The following CLNK variants were observed in gnomAD, a reference collection of about 807,000 sequenced individuals.
The protein encoded by CLNK is cytokine-dependent hematopoietic cell linker.
Under a neutral mutation model 68.6 loss-of-function variants are expected in CLNK, and 74 were observed. The ratio of observed to expected loss-of-function variants is 1.08; its 90% CI spans 0.89 to 1.31. The LOEUF is 1.31. Ranked by LOEUF, CLNK falls within the 50% of genes most tolerant of loss-of-function variation. The probability of loss-of-function intolerance (pLI) is 0.00; values close to 1 mark genes in which losing one functional copy is unlikely to be tolerated. For synonymous variants in CLNK, 198 were observed against 172.2 expected (o/e 1.15, Z -1.17); for missense variants, 553 against 515.3 (o/e 1.07, Z -0.71).
the CLNK span, among the ~76,000 whole-genome samples, chr4:10,712,873 G>C: frequency 6.6e-6 from 1 of 152,204 alleles, no homozygotes; most frequent in Admixed American, 6.5e-5. Context: ...ACCAAGGAAA[G>C]AGGTGACTAA....
chr4:10,532,383 C>T (rs553955278), intron 11 of CLNK, 100 bp from the exon 12 acceptor site: 4 of 919,516 alleles, frequency 4.4e-6, no homozygotes, highest in Middle Eastern at 2.5e-4. Context: ...ATTTTCATTG[C>T]CAAATTAACA....
chr4:10,532,480 G>A (rs1158712420), intron 11 of CLNK, among the ~76,000 whole-genome samples, 197 bp from the exon 12 acceptor site: 1 of 152,144 alleles, frequency 6.6e-6, no homozygotes, highest in East Asian at 1.9e-4. Context: ...AAAAGACAAA[G>A]TTAAGAGCCA....
chr4:10,583,928 C>A (rs1341022511), intron 4 of CLNK, among the ~76,000 whole-genome samples: 4 of 152,154 alleles, frequency 2.6e-5, no homozygotes, highest in Admixed American at 2.0e-4. Context: ...TCCCAGGTAC[C>A]ACCCCCTTAG....
At chr4:10,732,389 G>A in the CLNK span, among the ~76,000 whole-genome samples, 5 of 152,266 alleles carry the variant, frequency 3.3e-5, no homozygotes, top group Admixed American at 2.0e-4. Flanking sequence ...AGGCTGTTAT[G>A]GATTTTTGAA....
In CLNK at chr4:10,636,652, G is replaced by A. The variant is rs577354318; in HGVS notation, c.11+31207C>T. 2.1e-4 allele frequency among the ~76,000 whole-genome samples: 32 copies of A among 152,270 alleles called. 1 individual carries two copies. Among genetic ancestry groups the A allele is most frequent in the Admixed American group, 1.3e-4 (2 of 15,292 alleles). ...GGTGTAGCAGAAGGAATAGCAGCAC[G>A]CCAAGGCATGGAGACAGCTCTCATA... On this transcript the variant is annotated intron_variant, in intron 2 of 18. Transcript: ENST00000226951.
intron 15 of CLNK, 63 bp from the exon 16 acceptor site, chr4:10,513,660 C>T: frequency 6.7e-7 from 1 of 1,496,568 alleles, no homozygotes; most frequent in Admixed American, 2.4e-5. Flanking sequence ...TCCCCCACCT[C>T]CAGAAAGGAG....
At chr4:10,611,233 G>T (rs181891243) in intron 2 of CLNK, among the ~76,000 whole-genome samples, 1 of 152,104 alleles carries the variant, frequency 6.6e-6, no homozygotes, top group Non-Finnish European at 1.5e-5. Context: ...CAGGAGAATC[G>T]CTTGAACCCA....
intron 2 of CLNK, among the ~76,000 whole-genome samples, chr4:10,658,109 C>T (rs376559344): frequency 5.3e-5 from 8 of 152,268 alleles, no homozygotes; most frequent in Admixed American, 3.3e-4. Flanking sequence ...GCCACCACAC[C>T]CCTTCCCAGG....
chr4:10,518,891 C>A (rs1312455625), intron 15 of CLNK, among the ~76,000 whole-genome samples: 1 of 152,090 alleles, frequency 6.6e-6, no homozygotes, highest in East Asian at 1.9e-4. Context: ...TTGTTTTCTG[C>A]CTACTTAACA....
chr4:10,563,109 C>T (rs1311982215), intron 7 of CLNK, among the ~76,000 whole-genome samples: 1 of 152,096 alleles, frequency 6.6e-6, no homozygotes, highest in Non-Finnish European at 1.5e-5. Flanking sequence ...TGTAAATGGT[C>T]GGTGTTGCTT....
intron 3 of CLNK, among the ~76,000 whole-genome samples, chr4:10,586,225 C>T (rs1356290034): frequency 1.3e-5 from 2 of 152,100 alleles, no homozygotes; most frequent in Non-Finnish European, 2.9e-5. Context: ...CCCTGATCTA[C>T]ATGATATTTT....
In CLNK at chr4:10,618,726, G is replaced by A. The variant is rs566387449; in HGVS notation, c.12-20677C>T. ...AGAAGCAGGCACATCTTCCATGGCA[G>A]AAGCAGGAGCAGGAAAGAAAGGAGG... On this transcript the variant is annotated intron_variant, in intron 2 of 18. Coordinates refer to ENST00000226951, the MANE Select transcript of CLNK (RefSeq NM_052964.4). 2.0e-5 allele frequency among the ~76,000 whole-genome samples: 3 copies of A among 152,306 alleles called. No individual in the cohort carries two copies. The South Asian group carries it at 6.2e-4, about 32-fold the overall frequency.
intron 16 of CLNK, among the ~76,000 whole-genome samples, chr4:10,513,198 T>G (rs1717672857): frequency 2.1e-5 from 1 of 46,516 alleles, no homozygotes; most frequent in South Asian, 1.1e-3. Flanking sequence ...ATATCTGTAT[T>G]TTTTGGATTA....
chr4:10,537,706 C>CTTCCTTTCTTTCTTTCTTTCTTT, intron 11 of CLNK, among the ~76,000 whole-genome samples: 1 of 13,376 alleles, frequency 7.5e-5, no homozygotes, highest in Non-Finnish European at 1.5e-4. Flanking sequence ...TTCCTTCCTT[C>CTTCCTTTCTTTCTTTCTTTCTTT]CTTTCTTTCT....
At chr4:10,697,440 G>T in the CLNK span, 1 of 152,214 alleles carries the variant, frequency 6.6e-6, no homozygotes, top group Non-Finnish European at 1.5e-5. Context: ...AGGGTCTCCA[G>T]GAAATTCCAG....
intron 2 of CLNK, 58 bp downstream of exon 2, chr4:10,667,801 C>G: frequency 6.6e-7 from 1 of 1,512,426 alleles, no homozygotes; most frequent in Non-Finnish European, 8.9e-7. Context: ...CCAGAAAACA[C>G]CTCCTGTCCC....
At chr4:10,498,287 C>T (rs1373665764) in intron 18 of CLNK, among the ~76,000 whole-genome samples, 3 of 151,942 alleles carry the variant, frequency 2.0e-5, no homozygotes, top group Non-Finnish European at 2.9e-5. Context: ...GTCAGGAGAT[C>T]GAGACCATCC....
intron 17 of CLNK, among the ~76,000 whole-genome samples, chr4:10,504,116 CTT>C (rs10660433): frequency 5.5e-4 from 37 of 67,320 alleles, no homozygotes; most frequent in Admixed American, 2.1e-3. Flanking sequence ...TCTTTGGGTT[CTT>C]TTTTTTTTTT....
intron 2 of CLNK, among the ~76,000 whole-genome samples, chr4:10,653,955 A>G (rs1052634389): frequency 6.6e-6 from 1 of 152,220 alleles, no homozygotes; most frequent in Admixed American, 6.5e-5. Flanking sequence ...ATAACCATCA[A>G]TGATATTGAA....
Sources: gnomAD v4.1 joint callset for allele counts (sites outside exome capture counted in the v4.1 genomes callset) on GRCh38, gnomAD v4.1.1 for gene constraint, MANE v1.5 for transcripts, NCBI Gene and HGNC (gene_info 2026-07-23, HGNC 2026-07-21) for gene names.